The following RBM33 variants were observed in gnomAD, a reference collection of about 807,000 sequenced individuals.
RBM33 encodes RNA-binding protein 33.
A neutral mutation model predicts 132.6 loss-of-function variants in RBM33; 28 were observed. That is an observed-to-expected ratio of 0.21 (90% CI 0.16 to 0.29). RBM33 has a LOEUF of 0.29. Ranked by LOEUF, RBM33 falls within the 10% of genes least tolerant of loss-of-function variation. The probability of loss-of-function intolerance (pLI) is 1.00; values close to 1 mark genes in which losing one functional copy is unlikely to be tolerated. For missense variants in RBM33, 1,291 were observed against 1,518.5 expected, an observed-to-expected ratio of 0.85 and a Z score of 2.49; for synonymous variants, 634 against 593.0, an observed-to-expected ratio of 1.07 and a Z score of -1.01.
At chr7:155,714,464 C>T (rs1023769299) in intron 8 of RBM33, among the ~76,000 whole-genome samples, 13 of 152,152 alleles carry the variant, frequency 8.5e-5, no homozygotes, top group African/African-American at 3.1e-4. Flanking sequence ...GGATCTGAGG[C>T]AGGGCACGGC....
At chr7:155,678,184 C>A (rs1339987584) in intron 3 of RBM33, among the ~76,000 whole-genome samples, 3 of 152,124 alleles carry the variant, frequency 2.0e-5, no homozygotes, top group Non-Finnish European at 2.9e-5. Flanking sequence ...TTATTTAAAT[C>A]TTATTTCTAA....
intron 8 of RBM33, among the ~76,000 whole-genome samples, chr7:155,716,893 G>T (rs1251148832): frequency 6.6e-6 from 1 of 152,112 alleles, no homozygotes; most frequent in Non-Finnish European, 1.5e-5. Flanking sequence ...TTTTATAAAA[G>T]TAAGTTTTGT....
intron 14 of RBM33, among the ~76,000 whole-genome samples, chr7:155,753,380 C>G (rs1801744307): frequency 6.6e-6 from 1 of 152,222 alleles, no homozygotes; most frequent in African/African-American, 2.4e-5. Context: ...GTGGTGAAGA[C>G]CCATGCAAAG....
At chr7:155,681,769 C>T (rs1799343915) in intron 5 of RBM33, among the ~76,000 whole-genome samples, 1 of 152,058 alleles carries the variant, frequency 6.6e-6, no homozygotes, top group Admixed American at 6.6e-5. Flanking sequence ...TCTGTATTTA[C>T]ATCTTCATTC....
Position 155,723,673 on chromosome 7 carries a change from G to A in RBM33, c.1260+5230G>A, listed in dbSNP as rs533070024. Among the ~76,000 whole-genome samples, 14 of 152,302 alleles carry A rather than the reference G, an allele frequency of 9.2e-5. No individual in the cohort carries two copies. In the South Asian group the frequency reaches 2.9e-3, roughly 32 times the overall value. ...ACTTGCTGCTTGGTCAGCATGCGTT[G>A]CATGTGTTGGATAGAGATAGGGCTG... On this transcript the variant is annotated intron_variant, in intron 9 of 17. Coordinates refer to ENST00000401878, the MANE Select transcript of RBM33 (RefSeq NM_053043.3).
At chr7:155,660,568 A>G (rs979235241) in intron 1 of RBM33, among the ~76,000 whole-genome samples, 2 of 152,218 alleles carry the variant, frequency 1.3e-5, no homozygotes, top group Non-Finnish European at 2.9e-5. Context: ...TGAATAGGTC[A>G]TCTTACTGCC....
chr7:155,758,118 G>A (rs988428872), intron 14 of RBM33, among the ~76,000 whole-genome samples: 5 of 152,142 alleles, frequency 3.3e-5, no homozygotes, highest in African/African-American at 4.8e-5. Flanking sequence ...ATGTCTGTAC[G>A]GACCCTAGTA....
intron 14 of RBM33, among the ~76,000 whole-genome samples, chr7:155,759,968 C>G (rs1801981760): frequency 6.6e-6 from 1 of 152,156 alleles, no homozygotes; most frequent in Admixed American, 6.5e-5. Flanking sequence ...TGTTGCTGGG[C>G]TGAAAGTTGG....
At chr7:155,753,826 C>T (rs1305844164) in intron 14 of RBM33, among the ~76,000 whole-genome samples, 1 of 152,190 alleles carries the variant, frequency 6.6e-6, no homozygotes, top group East Asian at 1.9e-4. Context: ...AGTTTGACCT[C>T]ATTTGTTTAA....
intron 5 of RBM33, among the ~76,000 whole-genome samples, chr7:155,690,927 A>G (rs1313458234): frequency 6.6e-6 from 1 of 152,012 alleles, no homozygotes; most frequent in African/African-American, 2.4e-5. Context: ...AACTTTGGTG[A>G]ATCTGACAAT....
At chr7:155,762,801 G>T (rs1440145507) in intron 14 of RBM33, among the ~76,000 whole-genome samples, 1 of 152,166 alleles carries the variant, frequency 6.6e-6, no homozygotes, top group Non-Finnish European at 1.5e-5. Flanking sequence ...TTACTATCCC[G>T]TGACTGACAC....
intron 15 of RBM33, among the ~76,000 whole-genome samples, chr7:155,765,716 A>G (rs1345898719): frequency 1.3e-5 from 2 of 152,228 alleles, no homozygotes; most frequent in African/African-American, 4.8e-5. Flanking sequence ...ATCTGGAGAA[A>G]GTGTGGGAAA....
intron 5 of RBM33, among the ~76,000 whole-genome samples, 194 bp downstream of exon 5, chr7:155,681,102 C>A (rs532059229): frequency 6.2e-4 from 94 of 152,298 alleles, no homozygotes; most frequent in African/African-American, 2.2e-3. Context: ...GGTAATGCTC[C>A]TTTGTCATTC....
chr7:155,653,105 A>G (rs1424622), intron 1 of RBM33, among the ~76,000 whole-genome samples: 91,611 of 151,904 alleles, frequency 0.6, 29,688 homozygotes, highest in South Asian at 0.76. Flanking sequence ...ATATCCTTCA[A>G]TAGACACTTG....
intron 5 of RBM33, among the ~76,000 whole-genome samples, chr7:155,682,931 A>G (rs1423728604): frequency 6.6e-6 from 1 of 152,192 alleles, no homozygotes; most frequent in East Asian, 1.9e-4. Context: ...GTTGAAGAAA[A>G]TGTGGCAATT....
Position 155,680,974 on chromosome 7 carries a change from AT to A in RBM33, c.567+69del, listed in dbSNP as rs1799322641. 7 of 1,312,244 alleles carry A rather than the reference AT, an allele frequency of 5.3e-6. No individual in the cohort carries two copies. In the South Asian group the frequency reaches 9.9e-5, roughly 19 times the overall value. 81.3% of individuals were successfully genotyped at this position (1,312,244 alleles called of 1,614,324 possible). A position where few individuals can be genotyped will look rare whatever the true frequency, so the allele number is the denominator to read the frequency against. On this transcript the variant is annotated intron_variant, in intron 5 of 17. Coordinates refer to ENST00000401878, the MANE Select transcript of RBM33 (RefSeq NM_053043.3). ...TTCCCATGCATAGGCTTCTAGACTG[AT>A]TTGAAATCTATTTACCTCCCCTGGG... is the stretch of plus-strand genomic sequence containing the variant.
chr7:155,680,453 A>G (rs1252671853), intron 4 of RBM33, 137 bp from the exon 5 acceptor site: 3 of 667,156 alleles, frequency 4.5e-6, no homozygotes, highest in Non-Finnish European at 7.5e-6. Flanking sequence ...TGTTGGAGTT[A>G]ATGTGCATTT....
In RBM33 at chr7:155,706,962, G is replaced by A. The variant is rs1800133213; in HGVS notation, c.842G>A (p.Gly281Asp). The change falls in exon 7 of 18, where the codon GGT becomes GAT. Residue 281 changes from glycine to aspartate, a missense_variant. Physicochemically the swap from Gly to Asp is moderately conservative, Grantham distance 94. Around this residue, in one of 7 missense-constraint regions of RBM33, gnomAD observed 34 missense variants for 46.5 expected, o/e 0.73. Transcript: ENST00000401878. ...TCCAGGCGGGGAGGACGGCGAGGAG[G>A]TCCGCTGATGTGTCGTGGTGTGGGG... ...YSSRRGGRRG[G>D]PLMCRGVGDQ... is the part of the protein sequence containing the mutation. 2 of 1,600,788 alleles carry A rather than the reference G, an allele frequency of 1.2e-6. No homozygotes were observed. The highest frequency in any genetic ancestry group is 1.1e-5 in the South Asian group (1 of 88,170).
rs983072104 is a variant in RBM33 at position 155,774,741 on chromosome 7, T to TCC, written c.3464+97_3464+98dup. 9.6e-7 allele frequency: 1 copy of TCC among 1,042,192 alleles called. No homozygotes were observed. The highest frequency in any genetic ancestry group is 1.6e-5 in the African/African-American group (1 of 63,630). 64.6% of individuals were successfully genotyped at this position (1,042,192 alleles called of 1,614,324 possible). The stretch of plus-strand genomic sequence containing the variant: ...CATCCATCATGGTAGCAAGCGTGTG[T>TCC]CCCCACCTGTTCCTGTAGAAGGACA... On this transcript the variant is annotated intron_variant, in intron 17 of 17. Coordinates refer to ENST00000401878, the MANE Select transcript of RBM33 (RefSeq NM_053043.3). The surrounding 1 kb of genome is among the most constrained non-coding windows in gnomAD (Gnocchi z 4.2).
Sources: gnomAD v4.1 joint callset for allele counts (sites outside exome capture counted in the v4.1 genomes callset) on GRCh38, gnomAD v4.1.1 for gene constraint, gnomAD v4.1.1 regional missense constraint, Gnocchi (gnomAD v3.1) non-coding constraint, MANE v1.5 for transcripts, NCBI Gene and HGNC (gene_info 2026-07-23, HGNC 2026-07-21) for gene names.